Variants in PTPN2 observed in about 807,000 individuals in gnomAD.
PTPN2 encodes the protein protein tyrosine phosphatase non-receptor type 2.
A neutral mutation model predicts 57.3 loss-of-function variants in PTPN2; 19 were observed. The observed-to-expected ratio is 0.33, with a 90% CI of 0.23 to 0.49. The LOEUF (loss-of-function observed/expected upper bound fraction) is 0.49. Among genes scored for constraint, PTPN2 ranks in the 20% least tolerant of loss-of-function variants. The pLI is 0.99. For synonymous variants in PTPN2, 153 were observed against 164.9 expected (o/e 0.93, Z 0.55); for missense variants, 358 against 501.1 (o/e 0.71, Z 2.73).
chr18:12,814,345 C>G lies in PTPN2; in HGVS notation c.716G>C (p.Gly239Ala). The G allele has an allele frequency of 6.3e-7, 1 of 1,584,920 alleles. No homozygotes were observed. Among genetic ancestry groups the G allele is most frequent in the Non-Finnish European group, 8.6e-7 (1 of 1,169,310 alleles). The change falls in exon 7 of 9, where the codon GGA becomes GCA. Residue 239 changes from glycine (G) to alanine (A), a missense_variant. Coordinates refer to ENST00000309660, the MANE Select transcript of PTPN2 (RefSeq NM_002828.4). ...CACTTGTTTTATGTTAATATCATCT[C>G]CTTTTTCCATCTGCAAGAAAGGCAA... ...VDTCLVLMEK[G>A]DDINIKQVLL...
chr18:12,865,418 G>C (rs1288483621), intron 1 of PTPN2, among the ~76,000 whole-genome samples: 1 of 148,502 alleles, frequency 6.7e-6, no homozygotes, highest in South Asian at 2.1e-4. Flanking sequence ...CTGGACAACA[G>C]AGCAAGACTC....
intron 1 of PTPN2, among the ~76,000 whole-genome samples, chr18:12,870,426 CG>C (rs2044199658): frequency 4.5e-5 from 1 of 22,048 alleles, no homozygotes; most frequent in Non-Finnish European, 6.2e-5. Flanking sequence ...TATATATATA[CG>C]TATATATATA....
At position 12,807,672 on chromosome 18, in the gene PTPN2, G is replaced by A. The variant is rs145810377; in HGVS notation, c.859-5521C>T. Reference sequence around the variant, plus strand: ...CTTTTGTGGCAAAATGGATGAAACTGGAGGACATTAAGCCAAGTACACAAA... The same window carrying A: ...CTTTTGTGGCAAAATGGATGAAACTAGAGGACATTAAGCCAAGTACACAAA... On this transcript the variant is annotated intron_variant, in intron 7 of 8. Transcript: ENST00000309660. Among the ~76,000 whole-genome samples the A allele has an allele frequency of 9.6e-3, 1,387 of 144,066 alleles. 27 individuals are homozygous for A. Among genetic ancestry groups the A allele is most frequent in the African/African-American group, 0.033 (1,317 of 39,318 alleles). The allele number at this position is 144,066 out of a possible 152,430, so 94.5% of individuals were successfully genotyped here.
Position 12,859,272 on chromosome 18 carries a change from A to G in PTPN2, c.70-18T>C. The G allele has an allele frequency of 6.7e-7, 1 of 1,490,286 alleles. No homozygotes were observed. The highest frequency in any genetic ancestry group is 9.3e-7 in the Non-Finnish European group (1 of 1,077,566). The allele number at this position is 1,490,286 out of a possible 1,614,324, so 92.3% of individuals were successfully genotyped here. ...CGAATTTCCTTAAAATAACAAAAAT[A>G]TATTTTAATATCCCTCTTAAATTCT... is the stretch of plus-strand genomic sequence containing the variant. On this transcript the variant is annotated intron_variant, in intron 1 of 8. Transcript: ENST00000309660.
In PTPN2 at chr18:12,796,031, T is replaced by C. The variant is rs151217406; in HGVS notation, c.1041-1546A>G. On this transcript the variant is annotated intron_variant, in intron 8 of 8. Transcript: ENST00000309660. ...TGTCTCCTACATTGAGACTACCTTT[T>C]TCCTGGCCAAGACGTTTAACCTGAA... Among the ~76,000 whole-genome samples the C allele has an allele frequency of 3.7e-3, 563 of 152,222 alleles. 4 individuals are homozygous for C. The highest frequency in any genetic ancestry group is 0.013 in the African/African-American group (541 of 41,524).
At chr18:12,787,573 A>C (rs1222778498), downstream of PTPN2, 1 of 152,176 alleles carries the variant, frequency 6.6e-6, no homozygotes, top group African/African-American at 2.4e-5. Flanking sequence ...ATAACAACTG[A>C]AGGACGGGGT....
At chr18:12,805,745 T>A (rs1305887431) in intron 7 of PTPN2, among the ~76,000 whole-genome samples, 2 of 150,622 alleles carry the variant, frequency 1.3e-5, no homozygotes, top group Non-Finnish European at 2.9e-5. Context: ...TTCTCCTGCC[T>A]CAGCCTCCCG....
chr18:12,826,285 C>G (rs896571779), intron 4 of PTPN2, among the ~76,000 whole-genome samples: 13 of 152,224 alleles, frequency 8.5e-5, no homozygotes, highest in Non-Finnish European at 1.3e-4. Flanking sequence ...CGCCTGTAAT[C>G]CCAGCTACTT....
At chr18:12,825,967 G>A in intron 4 of PTPN2, 23 bp from the exon 5 acceptor site, 2 of 1,563,330 alleles carry the variant, frequency 1.3e-6, no homozygotes, top group Non-Finnish European at 1.7e-6. Flanking sequence ...ATATGTATAT[G>A]ATTTTTTTTT....
At chr18:12,838,624 C>G (rs540329575) in intron 2 of PTPN2, among the ~76,000 whole-genome samples, 1 of 152,166 alleles carries the variant, frequency 6.6e-6, no homozygotes, top group Non-Finnish European at 1.5e-5. Flanking sequence ...GCAGTGGCCT[C>G]GCTTCCTGTT....
intron 2 of PTPN2, among the ~76,000 whole-genome samples, chr18:12,858,140 A>T (rs1158979156): frequency 6.6e-6 from 1 of 152,192 alleles, no homozygotes; most frequent in Non-Finnish European, 1.5e-5. Context: ...TGAACAGTGA[A>T]ATGGTTCAAC....
chr18:12,854,659 C>T (rs1195132836), intron 2 of PTPN2, among the ~76,000 whole-genome samples: 2 of 152,032 alleles, frequency 1.3e-5, no homozygotes, highest in African/African-American at 2.4e-5. Context: ...GAAAAGTCCA[C>T]GACTGCAGAT....
At chr18:12,856,503 C>T (rs80270125) in intron 2 of PTPN2, among the ~76,000 whole-genome samples, 3,767 of 152,194 alleles carry the variant, frequency 0.025, 161 homozygotes, top group African/African-American at 0.085. Context: ...ACTGCATGGT[C>T]CGCAGGAGGG....
In PTPN2 at chr18:12,884,097, C is replaced by G; in HGVS notation, c.45G>C (p.Gln15His). 6.3e-7 allele frequency: 1 copy of G among 1,585,796 alleles called. No homozygotes were observed. Among genetic ancestry groups the G allele is most frequent in the East Asian group, 2.3e-5 (1 of 42,684 alleles). The change falls in exon 1 of 9, where the codon CAG (glutamine) becomes CAC (histidine). Residue 15 changes from glutamine (Q) to histidine (H), a missense_variant. Gln to His is a conservative substitution (Grantham distance 24). Transcript: ENST00000309660. ...CCAAGTACAGCGGCTGCCAGCGACGCTGAGTATCCAACTCTTCGAACTCCC... is the reference window on the plus strand; with the variant it reads ...CCAAGTACAGCGGCTGCCAGCGACGGTGAGTATCCAACTCTTCGAACTCCC... ...IEREFEELDT[Q>H]RRWQPLYLEI...
Position 12,794,481 on chromosome 18 carries a change from G to T in PTPN2, c.1045C>A (p.Leu349Ile). 1 of 1,612,450 alleles carries T rather than the reference G, an allele frequency of 6.2e-7. No homozygotes were observed. The highest frequency in any genetic ancestry group is 1.1e-5 in the South Asian group (1 of 90,994). Reference protein sequence around the residue: ...DTMEENSESALRKRIREDRKA... With the variant: ...DTMEENSESAIRKRIREDRKA... ...CTGTCCTCTCGAATACGTTTCCGTAGAGCACTATGAGGAAATAAAAACAAG... is the reference window on the plus strand; with the variant it reads ...CTGTCCTCTCGAATACGTTTCCGTATAGCACTATGAGGAAATAAAAACAAG... Residue 349 changes from leucine (L) to isoleucine (I), a missense_variant, in exon 9 of 9, where the codon CTA (leucine) becomes ATA (isoleucine). Transcript: ENST00000309660.
At chr18:12,870,462 TAGAGAGAGAGAG>T (rs762120431) in intron 1 of PTPN2, among the ~76,000 whole-genome samples, 5 of 17,712 alleles carry the variant, frequency 2.8e-4, no homozygotes, top group African/African-American at 4.8e-4. Context: ...TATATATATA[TAGAGAGAGAGAG>T]AGAGAGAGAG....
rs140479844 is a variant in PTPN2 at position 12,833,779 on chromosome 18, T to C, written c.262-2738A>G. On this transcript the variant is annotated intron_variant, in intron 3 of 8. Transcript: ENST00000309660. The stretch of plus-strand genomic sequence containing the variant: ...GAGCTCTGAAAAAAGCGAGGGGCAA[T>C]AGAAGATCAGAAAGAACTTGGCAGA... Among the ~76,000 whole-genome samples the C allele has an allele frequency of 3.8e-4, 58 of 151,934 alleles. No individual in the cohort carries two copies. The East Asian group carries it at 8.5e-3, about 22-fold the overall frequency.
intron 1 of PTPN2, among the ~76,000 whole-genome samples, chr18:12,877,686 T>C (rs2044534295): frequency 6.6e-6 from 1 of 152,224 alleles, no homozygotes; most frequent in Non-Finnish European, 1.5e-5. Context: ...AAAATTGTTC[T>C]CTAGCAATAT....
intron 1 of PTPN2, among the ~76,000 whole-genome samples, chr18:12,866,563 G>C (rs532858918): frequency 3.9e-5 from 6 of 152,314 alleles, no homozygotes; most frequent in Admixed American, 3.9e-4. Context: ...GGTTGTCAGG[G>C]GTTGGGATGT....
Sources: allele counts gnomAD v4.1 joint callset (sites outside exome capture counted in the v4.1 genomes callset), GRCh38; gene constraint gnomAD v4.1.1; transcripts MANE v1.5; gene names NCBI Gene and HGNC (gene_info 2026-07-23, HGNC 2026-07-21).